Variants in NOD1 observed in about 807,000 individuals in gnomAD.
NOD1 encodes nucleotide-binding oligomerization domain-containing protein 1.
NOD1 carries 70 observed loss-of-function variants against 81.2 expected under a neutral mutation model. The observed-to-expected ratio is 0.86, with a 90% confidence interval of 0.71 to 1.05. NOD1 has a LOEUF of 1.05. Among genes scored for constraint, NOD1 ranks in the 50% least tolerant of loss-of-function variants. NOD1 has a pLI of 0.00. For synonymous variants in NOD1, 508 were observed against 526.9 expected (o/e 0.96, Z 0.49); for missense variants, 1,233 against 1,228.0 (o/e 1.00, Z -0.06).
chr7:30,469,006 C>T (rs1374619829), intron 1 of NOD1: 1 of 985,338 alleles, frequency 1.0e-6, no homozygotes, highest in Admixed American at 6.1e-5. Context: ...CAGCACCAAG[C>T]ACACCTTACA....
chr7:30,452,147 C>T lies in NOD1; in HGVS notation c.1270G>A (p.Val424Ile), dbSNP rs909202737. Residue 424 changes from valine to isoleucine, a missense_variant, in exon 6 of 14, where the codon GTC (valine) becomes ATC (isoleucine). Physicochemically the swap from Val to Ile is conservative, Grantham distance 29. Transcript: ENST00000222823. ...LPDCTMTLTD[V>I]FLLVTEVHLN... The stretch of plus-strand genomic sequence containing the variant: ...TGGACCTCAGTGACCAGGAGGAAGA[C>T]ATCTGTCAGGGTCATCGTGCAGTCG... 1 of 1,614,038 alleles carries T rather than the reference C, an allele frequency of 6.2e-7. No individual in the cohort carries two copies. The highest frequency in any genetic ancestry group is 1.7e-5 in the Admixed American group (1 of 60,026).
Position 30,456,979 on chromosome 7 carries a change from T to G in NOD1, c.-58A>C. The G allele has an allele frequency of 6.9e-7, 1 of 1,450,550 alleles. No homozygotes were observed. The highest frequency in any genetic ancestry group is 9.7e-7 in the Non-Finnish European group (1 of 1,032,652). The allele number at this position is 1,450,550 out of a possible 1,614,324, so 89.9% of individuals were successfully genotyped here. A position where few individuals can be genotyped will look rare whatever the true frequency, so the allele number is the denominator to read the frequency against. On this transcript the variant is annotated 5_prime_UTR_variant, in exon 4 of 14. Coordinates refer to ENST00000222823, the MANE Select transcript of NOD1 (RefSeq NM_006092.4). ...TTCATCTTCAGCTGCGTGTGTCCTC[T>G]CAGCAGAAGGGCAATCAGGATTCAG...
In NOD1 at chr7:30,451,573, C is replaced by A. The variant is rs749388746; in HGVS notation, c.1844G>T (p.Arg615Ile). The A allele has an allele frequency of 1.9e-6, 3 of 1,613,618 alleles. No homozygotes were observed. The South Asian group carries it at 3.3e-5, about 18-fold the overall frequency. ...RHLVPAAALR[R>I]KRKALWAHLF... is the part of the protein sequence containing the mutation. ...GTGTGCCCACAGGGCCTTGCGCTTT[C>A]TCCTCAGGGCTGCCGCGGGCACCAG... Residue 615 changes from arginine (R) to isoleucine (I), a missense_variant, in exon 6 of 14, where the codon AGA becomes ATA. Coordinates refer to ENST00000222823, the MANE Select transcript of NOD1 (RefSeq NM_006092.4). The surrounding 1 kb of genome is among the most constrained non-coding windows in gnomAD (Gnocchi z 4.2).
At chr7:30,431,854 C>T (rs530010301) in intron 12 of NOD1, among the ~76,000 whole-genome samples, 14 of 152,284 alleles carry the variant, frequency 9.2e-5, no homozygotes, top group African/African-American at 3.4e-4. Context: ...CCTGTAATCC[C>T]AGCACTTTGG....
chr7:30,476,276 A>C (rs1788773432), intron 1 of NOD1, among the ~76,000 whole-genome samples: 1 of 152,232 alleles, frequency 6.6e-6, no homozygotes, highest in South Asian at 2.1e-4. Context: ...CACTAGAAAA[A>C]CACTTGATCT....
At chr7:30,457,391 C>T (rs1193604243) in intron 3 of NOD1, among the ~76,000 whole-genome samples, 1 of 152,094 alleles carries the variant, frequency 6.6e-6, no homozygotes, top group African/African-American at 2.4e-5. Context: ...TTCAAGGCTG[C>T]AGTGAACGAT....
At chr7:30,463,605 T>C (rs1787379214) in intron 1 of NOD1, 1 of 152,526 alleles carries the variant, frequency 6.6e-6, no homozygotes, top group South Asian at 2.1e-4. Flanking sequence ...AGATACACAC[T>C]CACTCAGTGT....
rs755406316 is a variant in NOD1, at chr7:30,451,637, C to T, written c.1780G>A (p.Gly594Arg). 1.8e-5 allele frequency: 29 copies of T among 1,613,828 alleles called. No individual in the cohort carries two copies. The highest frequency in any genetic ancestry group is 6.7e-5 in the African/African-American group (5 of 74,930). Residue 594 changes from glycine to arginine, a missense_variant, in exon 6 of 14, where the codon GGG becomes AGG. Gly to Arg is a moderately radical substitution (Grantham distance 125, BLOSUM62 -2). Coordinates refer to ENST00000222823, the MANE Select transcript of NOD1 (RefSeq NM_006092.4). This position sits in a 1 kb window ranked among gnomAD's most constrained non-coding sequence, Gnocchi z 4.2. The stretch of plus-strand genomic sequence containing the variant: ...TTCTGTTTGGCTTTGGACAACAGCC[C>T]GCACAGGAAGAGGTTGGTGAACTGG... ...HFQFTNLFLC[G>R]LLSKAKQKLL...
intron 6 of NOD1, among the ~76,000 whole-genome samples, chr7:30,448,663 C>T (rs1439490782): frequency 6.6e-6 from 1 of 152,210 alleles, no homozygotes; most frequent in South Asian, 2.1e-4. Context: ...AGGCCAGCCA[C>T]CTCTGACATC....
Position 30,456,915 on chromosome 7 carries a change from C to T in NOD1, c.7G>A (p.Glu3Lys). Residue 3 changes from glutamate (E) to lysine (K), a missense_variant, in exon 4 of 14, where the codon GAG becomes AAG. Physicochemically the swap from Glu to Lys is moderately conservative, Grantham distance 56. Transcript: ENST00000222823. The stretch of plus-strand genomic sequence containing the variant: ...ATTTCCATCTCACTGTGGCCCTGCT[C>T]TTCCATAGTTAAAGTAGCAAGCGGC... Reference protein sequence around the residue: MEEQGHSEMEIIP... With the variant: MEKQGHSEMEIIP... The T allele has an allele frequency of 6.2e-7, 1 of 1,614,038 alleles. No individual in the cohort carries two copies. The highest frequency in any genetic ancestry group is 8.5e-7 in the Non-Finnish European group (1 of 1,179,872).
In NOD1 at chr7:30,446,188, C is replaced by A. The variant is rs750242949; in HGVS notation, c.2406G>T (p.Lys802Asn). 9 of 1,565,416 alleles carry A rather than the reference C, an allele frequency of 5.7e-6. No homozygotes were observed. In the African/African-American group the frequency reaches 8.1e-5, roughly 14 times the overall value. ...GKNKITSEGG[K>N]YLALAVKNSK... ...TGTTCTTCACAGCCAGGGCGAGATA[C>A]TTCCCTCCTTCACTTGTTATTTTGT... The change falls in exon 9 of 14, where the codon AAG becomes AAT. Residue 802 changes from lysine (K) to asparagine (N), a missense_variant. Lys to Asn is a moderately conservative substitution (Grantham distance 94, BLOSUM62 0). Coordinates refer to ENST00000222823, the MANE Select transcript of NOD1 (RefSeq NM_006092.4).
rs111803060 is a variant in NOD1, at chr7:30,462,039, G to A, written c.-351-1998C>T. On this transcript the variant is annotated intron_variant, in intron 1 of 13. Transcript: ENST00000222823. ...AGGTGTGAGCCACCGTGCCTGGCCA[G>A]GAATGATCTTAATTGGCTTTTCAGA... Among the ~76,000 whole-genome samples the A allele has an allele frequency of 1.2e-3, 185 of 152,234 alleles. 1 individual carries two copies. The highest frequency in any genetic ancestry group is 4.3e-3 in the African/African-American group (179 of 41,540).
chr7:30,428,233 G>T (rs76508391), intron 13 of NOD1, among the ~76,000 whole-genome samples: 13,088 of 152,116 alleles, frequency 0.086, 719 homozygotes, highest in South Asian at 0.14. Context: ...ACCATGTCGG[G>T]CTAATTTTTG....
rs1332681778 is a variant in NOD1, at chr7:30,467,133, G to GA, written c.-351-7093dup. On this transcript the variant is annotated intron_variant, in intron 1 of 13. Coordinates refer to ENST00000222823, the MANE Select transcript of NOD1 (RefSeq NM_006092.4). The surrounding 1 kb of genome is among the most constrained non-coding windows in gnomAD (Gnocchi z 4.5). ...TGTCACTTGAAAAATGTAAGTTGCA[G>GA]AAAGAAATATAGAGTATAATAACAT... Among the ~76,000 whole-genome samples the GA allele has an allele frequency of 6.6e-6, 1 of 152,206 alleles. No homozygotes were observed. Among genetic ancestry groups the GA allele is most frequent in the Non-Finnish European group, 1.5e-5 (1 of 68,030 alleles).
Position 30,452,677 on chromosome 7 carries a change from C to T in NOD1, c.740G>A (p.Arg247Lys), listed in dbSNP as rs758424466. 28 of 1,613,762 alleles carry T rather than the reference C, an allele frequency of 1.7e-5. No homozygotes were observed. The highest frequency in any genetic ancestry group is 7.6e-6 in the Non-Finnish European group (9 of 1,180,050). Reference sequence around the variant, plus strand: ...GAAGAGCAGGTCCTGCAGACACAGCCTGTCACTTTCCTTGAAGCAGCTGAA... The same window carrying T: ...GAAGAGCAGGTCCTGCAGACACAGCTTGTCACTTTCCTTGAAGCAGCTGAA... ...RMFSCFKESD[R>K]LCLQDLLFKH... The change falls in exon 6 of 14, where the codon AGG becomes AAG. Residue 247 changes from arginine (R) to lysine (K), a missense_variant. By Grantham distance (26) the Arg-to-Lys change is conservative. Coordinates refer to ENST00000222823, the MANE Select transcript of NOD1 (RefSeq NM_006092.4).
At chr7:30,471,730 C>T (rs1249521044) in intron 1 of NOD1, among the ~76,000 whole-genome samples, 1 of 152,160 alleles carries the variant, frequency 6.6e-6, no homozygotes, top group Admixed American at 6.5e-5. Context: ...AGATTCTGAC[C>T]CCCTGACCTG....
At chr7:30,453,680 A>G (rs1031339118) in intron 5 of NOD1, among the ~76,000 whole-genome samples, 4 of 152,156 alleles carry the variant, frequency 2.6e-5, no homozygotes, top group African/African-American at 7.2e-5. Flanking sequence ...TCGGCCTCCC[A>G]AAGTGTTAGG....
At position 30,425,535 on chromosome 7, in the gene NOD1, G is replaced by A. The variant is rs549703126; in HGVS notation, c.*103C>T. On this transcript the variant is annotated 3_prime_UTR_variant, in exon 14 of 14. Transcript: ENST00000222823. ...GAGGCAGTGGACTCCTGATAGTCCCGCCTGCGCAGGCCCCTTTAAGACACT... is the reference window on the plus strand; with the variant it reads ...GAGGCAGTGGACTCCTGATAGTCCCACCTGCGCAGGCCCCTTTAAGACACT... 2.5e-5 allele frequency: 21 copies of A among 839,772 alleles called. No homozygotes were observed. Among genetic ancestry groups the A allele is most frequent in the Admixed American group, 5.3e-5 (3 of 56,132 alleles). The allele number at this position is 839,772 out of a possible 1,614,324, so 52.0% of individuals were successfully genotyped here.
chr7:30,437,713 C>G (rs1784505303), intron 9 of NOD1, 57 bp from the exon 10 acceptor site: 2 of 1,317,732 alleles, frequency 1.5e-6, no homozygotes, highest in Non-Finnish European at 2.0e-6. Flanking sequence ...CCATGCTCAC[C>G]CCTCCTTTTT....
Sources: gnomAD v4.1 joint callset for allele counts (sites outside exome capture counted in the v4.1 genomes callset) on GRCh38, gnomAD v4.1.1 for gene constraint, Gnocchi (gnomAD v3.1) non-coding constraint, MANE v1.5 for transcripts, NCBI Gene and HGNC (gene_info 2026-07-23, HGNC 2026-07-21) for gene names.